Variants in SETD1B observed in about 807,000 individuals in gnomAD.
The protein encoded by SETD1B is histone-lysine N-methyltransferase SETD1B.
SETD1B carries 7 observed loss-of-function variants against 148.0 expected under a neutral mutation model. The ratio of observed to expected loss-of-function variants is 0.05; its 90% confidence interval spans 0.03 to 0.09. SETD1B has a LOEUF of 0.09. Among genes scored for constraint, SETD1B ranks in the 10% least tolerant of loss-of-function variants. SETD1B has a pLI of 1.00. For synonymous variants in SETD1B, 1,361 were observed against 1,186.5 expected (o/e 1.15, Z -3.02); for missense variants, 2,155 against 2,729.9 (o/e 0.79, Z 4.69).
At chr12:121,793,386 G>C in the SETD1B span, 1 of 1,465,416 alleles carries the variant, frequency 6.8e-7, no homozygotes. Context: ...GGCGCCCCGG[G>C]GTGGCGGCCG....
intron 10 of SETD1B, among the ~76,000 whole-genome samples, chr12:121,818,734 C>A (rs565511532): frequency 6.6e-6 from 1 of 151,180 alleles, no homozygotes; most frequent in Non-Finnish European, 1.5e-5. Flanking sequence ...AATAAAAATA[C>A]AAAAAATTAG....
rs1338688560 is a variant in SETD1B at position 121,823,111 on chromosome 12, G to A, written c.4532G>A (p.Cys1511Tyr). The A allele has an allele frequency of 8.9e-7, 1 of 1,122,692 alleles. No individual in the cohort carries two copies. The highest frequency in any genetic ancestry group is 2.3e-5 in the South Asian group (1 of 43,084). The allele number at this position is 1,122,692 out of a possible 1,614,324, so 69.5% of individuals were successfully genotyped here. Reference sequence around the variant, plus strand: ...CTGCTGCCCGCCCCCCTGGCCTCTTGCCCTCCCCCAATGAAGAGGAAGCCG... The same window carrying A: ...CTGCTGCCCGCCCCCCTGGCCTCTTACCCTCCCCCAATGAAGAGGAAGCCG... Reference protein sequence around the residue: ...PPLLPAPLASCPPPMKRKPGR... With the variant: ...PPLLPAPLASYPPPMKRKPGR... Residue 1511 changes from cysteine (C) to tyrosine (Y), a missense_variant, in exon 12 of 17, where the codon TGC becomes TAC. Cys to Tyr is a radical substitution (Grantham distance 194). Around this residue, in one of 11 missense-constraint regions of SETD1B, gnomAD observed 862 missense variants for 873.8 expected, o/e 0.99. Transcript: ENST00000604567.
rs767206621 is a variant in SETD1B, at chr12:121,808,344, C to T, written c.657+24C>T. ...AGGTGGGTTTATGGCCGTCAGTCTG[C>T]CCCATCGCCAGCTCTTTGATGTGCC... is the stretch of plus-strand genomic sequence containing the variant. On this transcript the variant is annotated intron_variant, in intron 5 of 16. Transcript: ENST00000604567. The surrounding 1 kb of genome is among the most constrained non-coding windows in gnomAD (Gnocchi z 5.3). The T allele has an allele frequency of 8.6e-5, 129 of 1,499,422 alleles. 1 individual carries two copies. In the East Asian group the frequency reaches 3.1e-3, roughly 36 times the overall value. The allele number at this position is 1,499,422 out of a possible 1,614,324, so 92.9% of individuals were successfully genotyped here.
intron 12 of SETD1B, among the ~76,000 whole-genome samples, chr12:121,824,770 T>C (rs1290790025): frequency 6.6e-6 from 1 of 152,030 alleles, no homozygotes; most frequent in Non-Finnish European, 1.5e-5. Context: ...CCCAGCACTT[T>C]GGGAGGCCGA....
chr12:121,811,900 G>C (rs772532552), intron 6 of SETD1B, among the ~76,000 whole-genome samples: 11 of 152,110 alleles, frequency 7.2e-5, no homozygotes, highest in Non-Finnish European at 1.6e-4. Context: ...AGGGGGCCTT[G>C]GCAGGGGGCG....
chr12:121,809,766 C>G lies in SETD1B; in HGVS notation c.821C>G (p.Pro274Arg). The change falls in exon 6 of 17, where the codon CCG (proline) becomes CGG (arginine). Residue 274 changes from proline (P) to arginine (R), a missense_variant. Coordinates refer to ENST00000604567, the MANE Select transcript of SETD1B (RefSeq NM_001353345.2). ...DTPNSYGQGT[P>R]LTPRLGTPFS... The stretch of plus-strand genomic sequence containing the variant: ...CCCAACTCCTATGGACAGGGCACCC[C>G]GCTCACACCGCGCCTGGGCACCCCT... The G allele has an allele frequency of 1.3e-6, 2 of 1,551,564 alleles. No individual in the cohort carries two copies. The highest frequency in any genetic ancestry group is 1.7e-6 in the Non-Finnish European group (2 of 1,146,988).
Position 121,817,095 on chromosome 12 carries a change from C to T in SETD1B, c.2778C>T (p.Asp926=). The part of the protein sequence containing the change: ...HKDEDRPKPK[D]RIASCLLESW... Reference sequence around the variant, plus strand: ...ACGAGGACAGGCCGAAGCCCAAGGACCGCATCGCCTCGTGCCTGCTGGAGT... The same window carrying T: ...ACGAGGACAGGCCGAAGCCCAAGGATCGCATCGCCTCGTGCCTGCTGGAGT... The change falls in exon 8 of 17, where the codon GAC becomes GAT. Residue 926 remains aspartate, a synonymous_variant. Coordinates refer to ENST00000604567, the MANE Select transcript of SETD1B (RefSeq NM_001353345.2). The surrounding 1 kb of genome is among the most constrained non-coding windows in gnomAD (Gnocchi z 8.1). 6.5e-7 allele frequency: 1 copy of T among 1,549,076 alleles called. No individual in the cohort carries two copies. The highest frequency in any genetic ancestry group is 8.7e-7 in the Non-Finnish European group (1 of 1,146,586).
chr12:121,815,602 C>G (rs1229227877), intron 7 of SETD1B, among the ~76,000 whole-genome samples: 2 of 152,122 alleles, frequency 1.3e-5, no homozygotes, highest in Non-Finnish European at 2.9e-5. Flanking sequence ...CTCAACCTCC[C>G]TGTGCTCAAG....
chr12:121,810,176 C>G lies in SETD1B; in HGVS notation c.1231C>G (p.Pro411Ala). 6.5e-7 allele frequency: 1 copy of G among 1,549,836 alleles called. No homozygotes were observed. Among genetic ancestry groups the G allele is most frequent in the Non-Finnish European group, 8.7e-7 (1 of 1,146,834 alleles). Residue 411 changes from proline (P) to alanine (A), a missense_variant, in exon 6 of 17, where the codon CCG (proline) becomes GCG (alanine). Around this residue, in one of 11 missense-constraint regions of SETD1B, gnomAD observed 376 missense variants for 385.0 expected, o/e 0.98. Transcript: ENST00000604567. The surrounding 1 kb of genome is among the most constrained non-coding windows in gnomAD (Gnocchi z 7.6). ...CCCAGTGGCCCACTTCCCTCCACCC[C>G]CGGAAGAGCCCACCGCCACAGCCGC... Reference protein sequence around the residue: ...QTPVAHFPPPPEEPTATAAFG... With the variant: ...QTPVAHFPPPAEEPTATAAFG...
the SETD1B span, among the ~76,000 whole-genome samples, chr12:121,796,976 G>A: frequency 6.6e-6 from 1 of 151,876 alleles, no homozygotes; most frequent in African/African-American, 2.4e-5. Context: ...GGCGGAGGTT[G>A]CGGTGAGCCC....
chr12:121,822,381 G>A (rs1735745214), intron 11 of SETD1B, 109 bp from the exon 12 acceptor site: 6 of 1,322,856 alleles, frequency 4.5e-6, no homozygotes, highest in South Asian at 4.5e-5. Flanking sequence ...GACAGGTCCC[G>A]TGCTCAGACT....
intron 4 of SETD1B, among the ~76,000 whole-genome samples, chr12:121,806,549 G>A (rs1875750799): frequency 6.6e-6 from 1 of 152,174 alleles, no homozygotes. Flanking sequence ...GTCCTCTAAG[G>A]ATCCAGGGTG....
Position 121,822,973 on chromosome 12 carries a change from C to G in SETD1B, c.4394C>G (p.Pro1465Arg), listed in dbSNP as rs542008950. 2.6e-6 allele frequency: 4 copies of G among 1,537,434 alleles called. No homozygotes were observed. The highest frequency in any genetic ancestry group is 3.5e-6 in the Non-Finnish European group (4 of 1,142,254). The change falls in exon 12 of 17, where the codon CCG (proline) becomes CGG (arginine). Residue 1465 changes from proline to arginine, a missense_variant. Transcript: ENST00000604567. The stretch of plus-strand genomic sequence containing the variant: ...GAACGCTCCGGGCCCCTGGCCTCCC[C>G]GGTGCTCCTGGAGACGGGCCTGCCC... Reference protein sequence around the residue: ...RDERSGPLASPVLLETGLPLP... With the variant: ...RDERSGPLASRVLLETGLPLP...
rs915969127 is a variant in SETD1B at position 121,808,801 on chromosome 12, G to A, written c.657+481G>A. 6.6e-5 allele frequency among the ~76,000 whole-genome samples: 10 copies of A among 152,202 alleles called. No homozygotes were observed. The highest frequency in any genetic ancestry group is 4.1e-4 in the South Asian group (2 of 4,834). The stretch of plus-strand genomic sequence containing the variant: ...CACAGGGACAACTCTCGCGTGGGGC[G>A]AGTCTCATGCCAGCTCCTCCCTGGC... On this transcript the variant is annotated intron_variant, in intron 5 of 16. Transcript: ENST00000604567. The surrounding 1 kb of genome is among the most constrained non-coding windows in gnomAD (Gnocchi z 5.3).
At chr12:121,821,425 T>G (rs1592986909) in intron 11 of SETD1B, among the ~76,000 whole-genome samples, 5 of 132,450 alleles carry the variant, frequency 3.8e-5, no homozygotes, top group East Asian at 2.2e-4. Context: ...GGCGATAGAG[T>G]GAGACTGTCT....
the SETD1B span, chr12:121,797,949 GGACCCAGCACGGCTCATCGGGGATTGAA>G: frequency 2.0e-5 from 6 of 301,476 alleles, no homozygotes; most frequent in Non-Finnish European, 3.9e-5. Context: ...CAAAGGAGCT[GGACCCAGCACGGCTCATCGGGGATTGAA>G]GACCCAGCCC....
upstream of SETD1B, chr12:121,799,873 A>T (rs1306496963): frequency 6.6e-6 from 1 of 152,118 alleles, no homozygotes; most frequent in Non-Finnish European, 1.5e-5. Context: ...TCAGAGTCAA[A>T]CTAGGCCTGC....
intron 6 of SETD1B, among the ~76,000 whole-genome samples, chr12:121,811,088 C>G (rs561960499): frequency 6.6e-6 from 1 of 152,226 alleles, no homozygotes; most frequent in Admixed American, 6.5e-5. Context: ...TTCTGATGCT[C>G]TCCTTGTTAG....
In SETD1B at chr12:121,830,353, C is replaced by A; in HGVS notation, c.*114C>A. ...CCGCCCCCATTTCAGGTGCTGTCCT[C>A]TACCCAGCGGCCATTCAGGGCCTGG... On this transcript the variant is annotated 3_prime_UTR_variant, in exon 17 of 17. Transcript: ENST00000604567. This position sits in a 1 kb window ranked among gnomAD's most constrained non-coding sequence, Gnocchi z 5.7. 1 of 1,073,940 alleles carries A rather than the reference C, an allele frequency of 9.3e-7. No individual in the cohort carries two copies. The highest frequency in any genetic ancestry group is 1.3e-6 in the Non-Finnish European group (1 of 765,156). The allele number at this position is 1,073,940 out of a possible 1,614,324, so 66.5% of individuals were successfully genotyped here.
Sources: allele counts gnomAD v4.1 joint callset (sites outside exome capture counted in the v4.1 genomes callset), GRCh38; gene constraint gnomAD v4.1.1; regional missense constraint gnomAD v4.1.1; non-coding constraint Gnocchi (gnomAD v3.1); transcripts MANE v1.5; gene names NCBI Gene and HGNC (gene_info 2026-07-23, HGNC 2026-07-21).